The following RCOR1 variants were observed in gnomAD, a reference collection of about 807,000 sequenced individuals.
RCOR1 encodes the protein REST corepressor 1, also known as REST corepressor.
RCOR1 carries 12 observed loss-of-function variants against 64.0 expected under a neutral mutation model. The observed-to-expected ratio is 0.19, with a 90% CI of 0.12 to 0.30. RCOR1 has a LOEUF of 0.30. Among genes scored for constraint, RCOR1 ranks in the 10% least tolerant of loss-of-function variants. RCOR1 has a pLI of 1.00. For missense variants in RCOR1, 502 were observed against 621.2 expected (o/e 0.81, Z 2.04); for synonymous variants, 279 against 227.2 (o/e 1.23, Z -2.05).
Position 102,671,263 on chromosome 14 carries a change from C to T in RCOR1, c.362-10632C>T, listed in dbSNP as rs758267243. Among the ~76,000 whole-genome samples the T allele has an allele frequency of 9.9e-5, 15 of 152,128 alleles. 1 individual carries two copies. Among genetic ancestry groups the T allele is most frequent in the Admixed American group, 2.0e-4 (3 of 15,274 alleles). The stretch of plus-strand genomic sequence containing the variant: ...TAGAAACACAACTCCCTCTTCCCCT[C>T]GACTCCACAGACTTAATGTGATTTT... On this transcript the variant is annotated intron_variant, in intron 2 of 11. Coordinates refer to ENST00000262241, the MANE Select transcript of RCOR1 (RefSeq NM_015156.4).
chr14:102,701,181 C>A, intron 3 of RCOR1, 97 bp from the exon 4 acceptor site: 1 of 1,006,314 alleles, frequency 9.9e-7, no homozygotes, highest in Non-Finnish European at 1.6e-6. Flanking sequence ...CAAACCATAT[C>A]AGCAGGCCTG....
rs771576586 is a variant in RCOR1, at chr14:102,726,453, T to C, written c.1420-15T>C. The C allele has an allele frequency of 5.7e-5, 89 of 1,572,058 alleles. No individual in the cohort carries two copies. Among genetic ancestry groups the C allele is most frequent in the Admixed American group, 7.5e-5 (4 of 53,032 alleles). On this transcript the variant is annotated splice_polypyrimidine_tract_variant and intron_variant, in intron 11 of 11. Transcript: ENST00000262241. Reference sequence around the variant, plus strand: ...TCTTTGATCCTTTTTTTTTTTTTTTTCCTCTTGGCCTCAGGCTCCTGTTCT... The same window carrying C: ...TCTTTGATCCTTTTTTTTTTTTTTTCCCTCTTGGCCTCAGGCTCCTGTTCT...
chr14:102,699,894 G>T (rs1053751225), intron 3 of RCOR1, among the ~76,000 whole-genome samples: 3 of 152,086 alleles, frequency 2.0e-5, no homozygotes, highest in African/African-American at 7.2e-5. Context: ...ATATCCTCAG[G>T]GAGGAAATTG....
At chr14:102,676,488 C>T (rs1164608475) in intron 2 of RCOR1, among the ~76,000 whole-genome samples, 6 of 76,596 alleles carry the variant, frequency 7.8e-5, no homozygotes, top group Admixed American at 2.3e-4. Flanking sequence ...ACCTCCCTCC[C>T]GGACAGGGCG....
chr14:102,674,335 A>G (rs1356386361), intron 2 of RCOR1, among the ~76,000 whole-genome samples: 1 of 152,232 alleles, frequency 6.6e-6, no homozygotes, highest in Non-Finnish European at 1.5e-5. Context: ...GAGTCTAGCC[A>G]AGTTGACACA....
chr14:102,647,966 A>G (rs1277345242), intron 2 of RCOR1, among the ~76,000 whole-genome samples: 1 of 152,194 alleles, frequency 6.6e-6, no homozygotes, highest in African/African-American at 2.4e-5. Context: ...GGCATATACC[A>G]CCATGCTCGG....
chr14:102,636,139 C>G (rs374667258), intron 2 of RCOR1, among the ~76,000 whole-genome samples: 1 of 150,994 alleles, frequency 6.6e-6, no homozygotes, highest in Non-Finnish European at 1.5e-5. Context: ...GGGGTTTCAC[C>G]GTGTTAGCCA....
At chr14:102,613,410 T>C (rs941034648) in intron 2 of RCOR1, among the ~76,000 whole-genome samples, 1 of 151,756 alleles carries the variant, frequency 6.6e-6, no homozygotes, top group Non-Finnish European at 1.5e-5. Flanking sequence ...CCTTTTTTTT[T>C]CTTTTTTAAA....
chr14:102,721,853 C>G (rs1896175652), intron 10 of RCOR1, among the ~76,000 whole-genome samples: 1 of 152,142 alleles, frequency 6.6e-6, no homozygotes, highest in South Asian at 2.1e-4. Context: ...AAGAAGCAGA[C>G]AGAGTGTTCA....
intron 2 of RCOR1, among the ~76,000 whole-genome samples, chr14:102,670,535 A>G (rs951565077): frequency 7.9e-5 from 12 of 152,036 alleles, no homozygotes; most frequent in Non-Finnish European, 1.3e-4. Context: ...TTCTCTGTTT[A>G]TACTTTTCAG....
intron 2 of RCOR1, chr14:102,657,072 G>T (rs1340340045): frequency 7.1e-6 from 7 of 984,134 alleles, no homozygotes; most frequent in Non-Finnish European, 6.0e-6. Flanking sequence ...ACTGCACCTG[G>T]CTAGAAACAT....
At chr14:102,655,212 C>T (rs1396173591) in intron 2 of RCOR1, 1 of 976,944 alleles carries the variant, frequency 1.0e-6, no homozygotes, top group African/African-American at 1.8e-5. Flanking sequence ...AAGGGTTATG[C>T]ACAAGAGAAG....
At chr14:102,692,681 C>T (rs1895558482) in intron 3 of RCOR1, among the ~76,000 whole-genome samples, 1 of 150,510 alleles carries the variant, frequency 6.6e-6, no homozygotes, top group South Asian at 2.1e-4. Context: ...AATATCACAT[C>T]TTGTAGCATA....
rs898514430 is a variant in RCOR1 at position 102,727,521 on chromosome 14, G to A, written c.*1015G>A. 2 of 152,424 alleles carry A rather than the reference G, an allele frequency of 1.3e-5. No homozygotes were observed. The highest frequency in any genetic ancestry group is 4.8e-5 in the African/African-American group (2 of 41,408). The allele number at this position is 152,424 out of a possible 1,614,324, so 9.4% of individuals were successfully genotyped here. A position where few individuals can be genotyped will look rare whatever the true frequency, so the allele number is the denominator to read the frequency against. On this transcript the variant is annotated 3_prime_UTR_variant, in exon 12 of 12. Coordinates refer to ENST00000262241, the MANE Select transcript of RCOR1 (RefSeq NM_015156.4). ...GCAGATTTTAAATGTCAGGATATTAGAATAGCTGGCGCTGGTTTATGAAAG... is the reference window on the plus strand; with the variant it reads ...GCAGATTTTAAATGTCAGGATATTAAAATAGCTGGCGCTGGTTTATGAAAG...
rs74460486 is a variant in RCOR1 at position 102,621,074 on chromosome 14, A to G, written c.361+27749A>G. Among the ~76,000 whole-genome samples the G allele has an allele frequency of 5.0e-3, 757 of 152,312 alleles. 5 individuals carry two copies. Among genetic ancestry groups the G allele is most frequent in the African/African-American group, 0.017 (706 of 41,574 alleles). On this transcript the variant is annotated intron_variant, in intron 2 of 11. Coordinates refer to ENST00000262241, the MANE Select transcript of RCOR1 (RefSeq NM_015156.4). ...AACCTGCATTTCCTGAGCCCAAGCT[A>G]TCCTCCTGTTTCAGCCTCCCGAGTA...
At chr14:102,697,511 C>T (rs374728767) in intron 3 of RCOR1, among the ~76,000 whole-genome samples, 1 of 152,038 alleles carries the variant, frequency 6.6e-6, no homozygotes, top group Non-Finnish European at 1.5e-5. Flanking sequence ...ACATTGGGAA[C>T]AATGAAAAGA....
chr14:102,627,059 T>G (rs996350370), intron 2 of RCOR1, among the ~76,000 whole-genome samples: 2 of 152,202 alleles, frequency 1.3e-5, no homozygotes, highest in Admixed American at 6.5e-5. Flanking sequence ...TGTCTTACTT[T>G]AATCCTCTAA....
rs1280597213 is a variant in RCOR1, at chr14:102,728,205, A to G, written c.*1699A>G. On this transcript the variant is annotated 3_prime_UTR_variant, in exon 12 of 12. Coordinates refer to ENST00000262241, the MANE Select transcript of RCOR1 (RefSeq NM_015156.4). Reference sequence around the variant, plus strand: ...TTAGTATAGTCTGGAGAGAAAGGTCATTCAAAAGGAAAGTACAATGGGACT... The same window carrying G: ...TTAGTATAGTCTGGAGAGAAAGGTCGTTCAAAAGGAAAGTACAATGGGACT... The G allele has an allele frequency of 6.6e-6, 1 of 152,182 alleles. No individual in the cohort carries two copies. Among genetic ancestry groups the G allele is most frequent in the Non-Finnish European group, 1.5e-5 (1 of 68,036 alleles). The allele number at this position is 152,182 out of a possible 1,614,324, so 9.4% of individuals were successfully genotyped here.
intron 3 of RCOR1, among the ~76,000 whole-genome samples, chr14:102,695,899 C>T (rs1225702549): frequency 6.6e-6 from 1 of 151,882 alleles, no homozygotes; most frequent in Non-Finnish European, 1.5e-5. Flanking sequence ...AGCTGTGTGA[C>T]CCTAGCCAGA....
Sources: gnomAD v4.1 joint callset for allele counts (sites outside exome capture counted in the v4.1 genomes callset) on GRCh38, gnomAD v4.1.1 for gene constraint, MANE v1.5 for transcripts, NCBI Gene and HGNC (gene_info 2026-07-23, HGNC 2026-07-21) for gene names.